TCF7L1: variants seen among roughly 807,000 people sequenced by gnomAD.
The protein encoded by TCF7L1 is transcription factor 7 like 1, also known as transcription factor 7-like 1.
In TCF7L1, 18 loss-of-function variants were observed where a neutral mutation model predicts 63.7. That is an observed-to-expected ratio of 0.28 (90% CI 0.20 to 0.42). TCF7L1 has a LOEUF of 0.42. Ranked by LOEUF, TCF7L1 falls within the 10% of genes least tolerant of loss-of-function variation. The probability of loss-of-function intolerance (pLI) is 1.00; values close to 1 mark genes in which losing one functional copy is unlikely to be tolerated. For missense variants in TCF7L1, 654 were observed against 779.3 expected, an observed-to-expected ratio of 0.84 and a Z score of 1.91; for synonymous variants, 355 against 340.9, an observed-to-expected ratio of 1.04 and a Z score of -0.46.
intron 3 of TCF7L1, among the ~76,000 whole-genome samples, chr2:85,282,970 A>G (rs17764504): frequency 0.11 from 16,518 of 151,986 alleles, 1,240 homozygotes; most frequent in Non-Finnish European, 0.16. Flanking sequence ...GTTGGGGTAG[A>G]TGTTGCCCAT....
intron 3 of TCF7L1, among the ~76,000 whole-genome samples, chr2:85,181,252 A>C (rs1678800243): frequency 6.6e-6 from 1 of 152,198 alleles, no homozygotes; most frequent in Non-Finnish European, 1.5e-5. Flanking sequence ...TGTGCATGTG[A>C]GGGGCAGGTA....
At chr2:85,154,801 A>G (rs1012026765) in intron 3 of TCF7L1, among the ~76,000 whole-genome samples, 3 of 151,972 alleles carry the variant, frequency 2.0e-5, no homozygotes, top group African/African-American at 7.2e-5. Flanking sequence ...TTGCCGTCCA[A>G]GTGAGTGAGG....
intron 3 of TCF7L1, among the ~76,000 whole-genome samples, chr2:85,188,373 C>T (rs1370368377): frequency 1.3e-5 from 2 of 152,206 alleles, no homozygotes; most frequent in South Asian, 2.1e-4. Context: ...CTATGCAAGA[C>T]GTTAACATCG....
At chr2:85,182,236 C>T (rs77708381) in intron 3 of TCF7L1, among the ~76,000 whole-genome samples, 7,811 of 152,254 alleles carry the variant, frequency 0.051, 244 homozygotes, top group African/African-American at 0.088. Flanking sequence ...ATCTGGGGCA[C>T]GGTCTGTTCT....
intron 3 of TCF7L1, among the ~76,000 whole-genome samples, chr2:85,228,043 T>C (rs372282395): frequency 3.8e-4 from 58 of 151,598 alleles, no homozygotes; most frequent in African/African-American, 1.4e-3. Flanking sequence ...TCATGTTGTT[T>C]GGGTATTTGT....
intron 3 of TCF7L1, among the ~76,000 whole-genome samples, chr2:85,194,984 C>A (rs1048562896): frequency 2.0e-5 from 3 of 152,232 alleles, no homozygotes; most frequent in African/African-American, 7.2e-5. Flanking sequence ...AGCTCCACCC[C>A]CCAGTCCCAC....
chr2:85,188,000 G>A (rs1678962835), intron 3 of TCF7L1, among the ~76,000 whole-genome samples: 1 of 152,150 alleles, frequency 6.6e-6, no homozygotes, highest in South Asian at 2.1e-4. Context: ...CGAGCCTCAA[G>A]GAAATGATGC....
intron 3 of TCF7L1, among the ~76,000 whole-genome samples, chr2:85,252,372 G>A (rs1020793373): frequency 6.6e-6 from 1 of 152,172 alleles, no homozygotes; most frequent in Non-Finnish European, 1.5e-5. Context: ...CGTGGTCTCG[G>A]GCAGTTATAC....
intron 3 of TCF7L1, among the ~76,000 whole-genome samples, chr2:85,219,278 T>C (rs1679787710): frequency 6.6e-6 from 1 of 152,218 alleles, no homozygotes; most frequent in Admixed American, 6.5e-5. Context: ...CATACTGGTG[T>C]TGGCGAGGAT....
intron 3 of TCF7L1, among the ~76,000 whole-genome samples, chr2:85,174,753 CCAA>C (rs1678636226): frequency 6.6e-6 from 1 of 152,182 alleles, no homozygotes; most frequent in Admixed American, 6.5e-5. Flanking sequence ...TCACTCCTGC[CCAA>C]CTGGTTTCTT....
chr2:85,171,696 G>A (rs924407342), intron 3 of TCF7L1, among the ~76,000 whole-genome samples: 1 of 152,216 alleles, frequency 6.6e-6, no homozygotes, highest in Non-Finnish European at 1.5e-5. Flanking sequence ...CAGGAAGTGA[G>A]GCTGGTTGGG....
chr2:85,281,491 T>C (rs1410951691), intron 3 of TCF7L1, among the ~76,000 whole-genome samples: 1 of 152,208 alleles, frequency 6.6e-6, no homozygotes, highest in African/African-American at 2.4e-5. Context: ...ATTTGCCCAG[T>C]GCTTTTAACT....
chr2:85,216,700 C>T (rs962933432), intron 3 of TCF7L1, among the ~76,000 whole-genome samples: 1 of 152,118 alleles, frequency 6.6e-6, no homozygotes, highest in African/African-American at 2.4e-5. Flanking sequence ...AATTACCGAA[C>T]AACTTCTGTG....
chr2:85,286,148 G>A (rs1681543576), intron 4 of TCF7L1, among the ~76,000 whole-genome samples: 1 of 142,706 alleles, frequency 7.0e-6, no homozygotes, highest in South Asian at 2.2e-4. Context: ...CCGAGATTGT[G>A]CCATTGAACC....
At position 85,133,947 on chromosome 2, in the gene TCF7L1, G is replaced by A. The variant is rs377258070; in HGVS notation, c.249+14G>A. 5.2e-6 allele frequency: 8 copies of A among 1,549,190 alleles called. No homozygotes were observed. The African/African-American group carries it at 1.1e-4, about 21-fold the overall frequency. ...TCGGACTCGGAGGTAAGGAAGCACC[G>A]CGGCCACCCCCGGGGGATCCCGGCC... On this transcript the variant is annotated intron_variant, in intron 1 of 11. Coordinates refer to ENST00000282111, the MANE Select transcript of TCF7L1 (RefSeq NM_031283.3). The surrounding 1 kb of genome is among the most constrained non-coding windows in gnomAD (Gnocchi z 4.4).
chr2:85,144,894 G>T (rs1191198998), intron 3 of TCF7L1, among the ~76,000 whole-genome samples: 2 of 151,738 alleles, frequency 1.3e-5, no homozygotes, highest in African/African-American at 4.8e-5. Context: ...GACTAGCTTG[G>T]CCACCATGGT....
intron 3 of TCF7L1, among the ~76,000 whole-genome samples, chr2:85,157,425 CAA>C (rs1209914524): frequency 6.6e-6 from 1 of 152,184 alleles, no homozygotes; most frequent in Non-Finnish European, 1.5e-5. Context: ...ATCCTTTACT[CAA>C]GAGGAAATCA....
intron 5 of TCF7L1, chr2:85,303,586 G>C: frequency 7.1e-6 from 2 of 283,120 alleles, no homozygotes; most frequent in Non-Finnish European, 1.3e-5. Context: ...TCTTGTCATT[G>C]GTCTTGTGGG....
At chr2:85,212,573 C>G (rs950851210) in intron 3 of TCF7L1, among the ~76,000 whole-genome samples, 1 of 152,132 alleles carries the variant, frequency 6.6e-6, no homozygotes, top group Non-Finnish European at 1.5e-5. Context: ...TGAATTGGGC[C>G]TGAACTGCGA....
Sources: gnomAD v4.1 joint callset for allele counts (sites outside exome capture counted in the v4.1 genomes callset) on GRCh38, gnomAD v4.1.1 for gene constraint, Gnocchi (gnomAD v3.1) non-coding constraint, MANE v1.5 for transcripts, NCBI Gene and HGNC (gene_info 2026-07-23, HGNC 2026-07-21) for gene names.